The following UBE2F variants were observed in gnomAD, a reference collection of about 807,000 sequenced individuals.
UBE2F encodes the protein NEDD8-conjugating enzyme UBE2F.
In UBE2F, 5 loss-of-function variants were observed where a neutral mutation model predicts 29.6. The ratio of observed to expected loss-of-function variants is 0.17; its 90% confidence interval spans 0.09 to 0.36. The LOEUF is 0.36. UBE2F is among the 10% of genes least tolerant of loss of function. The pLI, the probability that UBE2F is intolerant of heterozygous loss-of-function variation, is 1.00. For synonymous variants in UBE2F, 66 were observed against 81.8 expected, an observed-to-expected ratio of 0.81 and a Z score of 1.04; for missense variants, 141 against 228.5, an observed-to-expected ratio of 0.62 and a Z score of 2.47.
intron 2 of UBE2F, 78 bp from the exon 3 acceptor site, chr2:237,987,885 G>A: frequency 1.3e-6 from 1 of 749,662 alleles, no homozygotes; most frequent in South Asian, 1.8e-5. Context: ...GTGTTCTAGA[G>A]GAAATTGCCA....
intron 4 of UBE2F, among the ~76,000 whole-genome samples, chr2:237,996,383 A>T (rs766228183): frequency 3.9e-5 from 6 of 151,986 alleles, no homozygotes; most frequent in Non-Finnish European, 8.8e-5. Context: ...TGGCCACTCA[A>T]AGATGTTTGT....
At chr2:238,026,238 G>A (rs1035098996) in intron 6 of UBE2F, among the ~76,000 whole-genome samples, 1 of 152,212 alleles carries the variant, frequency 6.6e-6, no homozygotes, top group Non-Finnish European at 1.5e-5. Context: ...CACTCAGCCA[G>A]TTTGGAAAGT....
intron 1 of UBE2F, among the ~76,000 whole-genome samples, chr2:237,972,717 A>AT (rs1209213231): frequency 6.6e-6 from 1 of 151,314 alleles, no homozygotes; most frequent in African/African-American, 2.4e-5. Flanking sequence ...CTCCTGGCTA[A>AT]TTTTTTTATA....
At position 237,993,256 on chromosome 2, in the gene UBE2F, G is replaced by A. The variant is rs564976021; in HGVS notation, c.149-1488G>A. Among the ~76,000 whole-genome samples the A allele has an allele frequency of 7.2e-5, 11 of 151,888 alleles. No individual in the cohort carries two copies. In the South Asian group the frequency reaches 2.3e-3, roughly 32 times the overall value. ...CTGCCTTGGCCTCCCAAAGTTCTGG[G>A]ATTACAGACATGATCCACCATGCCT... On this transcript the variant is annotated intron_variant, in intron 3 of 9. Transcript: ENST00000272930.
intron 4 of UBE2F, among the ~76,000 whole-genome samples, chr2:238,004,652 G>T (rs2063864657): frequency 6.6e-6 from 1 of 152,096 alleles, no homozygotes; most frequent in Admixed American, 6.5e-5. Context: ...GGAACCTGTT[G>T]AATGTGTTAT....
intron 8 of UBE2F, among the ~76,000 whole-genome samples, chr2:238,033,120 G>A (rs1427961242): frequency 1.3e-5 from 2 of 152,216 alleles, no homozygotes; most frequent in Admixed American, 6.5e-5. Context: ...TCTGGTTGGG[G>A]TGGATGATTT....
chr2:237,995,715 A>G (rs1224310713), intron 4 of UBE2F, among the ~76,000 whole-genome samples: 1 of 152,172 alleles, frequency 6.6e-6, no homozygotes, highest in Non-Finnish European at 1.5e-5. Context: ...TTTCTGTGGA[A>G]GATGTTTGAT....
Position 237,973,368 on chromosome 2 carries a change from T to C in UBE2F, c.118+143T>C, listed in dbSNP as rs888718339. ...TTAAAATATAATTGCTTATCTCTTATAGTGAAGGACATTGTACCACGCAGG... is the reference window on the plus strand; with the variant it reads ...TTAAAATATAATTGCTTATCTCTTACAGTGAAGGACATTGTACCACGCAGG... On this transcript the variant is annotated intron_variant, in intron 2 of 9. Coordinates refer to ENST00000272930, the MANE Select transcript of UBE2F (RefSeq NM_080678.3). The C allele has an allele frequency of 1.0e-5, 10 of 973,140 alleles. 1 individual carries two copies. Among genetic ancestry groups the C allele is most frequent in the African/African-American group, 3.3e-5 (2 of 60,664 alleles). 60.3% of individuals were successfully genotyped at this position (973,140 alleles called of 1,614,324 possible).
At chr2:238,016,005 G>A (rs574157004) in intron 4 of UBE2F, among the ~76,000 whole-genome samples, 10 of 152,262 alleles carry the variant, frequency 6.6e-5, no homozygotes, top group Admixed American at 2.0e-4. Flanking sequence ...CTACCAGCCC[G>A]CGTTTCTAGA....
intron 4 of UBE2F, among the ~76,000 whole-genome samples, chr2:238,010,154 A>C (rs1310777609): frequency 6.6e-6 from 1 of 151,312 alleles, no homozygotes; most frequent in African/African-American, 2.4e-5. Context: ...ATACAGGTAG[A>C]TAGATAGATT....
intron 5 of UBE2F, among the ~76,000 whole-genome samples, chr2:238,021,171 G>A (rs1321027685): frequency 1.3e-5 from 2 of 152,136 alleles, no homozygotes; most frequent in Admixed American, 6.5e-5. Context: ...AAGACACCAC[G>A]TCTCCTCACA....
rs577033884 is a variant in UBE2F at position 237,972,799 on chromosome 2, TA to T, written c.-16-292del. On this transcript the variant is annotated intron_variant, in intron 1 of 9. Coordinates refer to ENST00000272930, the MANE Select transcript of UBE2F (RefSeq NM_080678.3). ...AGCTCTTAGGCTCAAGCAATCCTCC[TA>T]CCTTGGCCTCCCAAAGTGCTGGGAT... Among the ~76,000 whole-genome samples, 26 of 152,230 alleles carry T rather than the reference TA, an allele frequency of 1.7e-4. No individual in the cohort carries two copies. The South Asian group carries it at 5.2e-3, about 30-fold the overall frequency.
chr2:237,995,006 G>A (rs1427374444), intron 4 of UBE2F, among the ~76,000 whole-genome samples, 197 bp downstream of exon 4: 1 of 152,220 alleles, frequency 6.6e-6, no homozygotes, highest in Admixed American at 6.5e-5. Context: ...GGCATTCAGT[G>A]TACACTCTCA....
chr2:238,035,980 T>C (rs2064698907), intron 9 of UBE2F, 40 bp downstream of exon 9: 2 of 1,542,874 alleles, frequency 1.3e-6, no homozygotes, highest in Non-Finnish European at 1.8e-6. Flanking sequence ...GATGTACTTG[T>C]CACGAACACG....
At chr2:237,996,820 T>C (rs1192493759) in intron 4 of UBE2F, among the ~76,000 whole-genome samples, 2 of 152,164 alleles carry the variant, frequency 1.3e-5, no homozygotes, top group African/African-American at 4.8e-5. Context: ...CACTTTAATG[T>C]TGTGATTATT....
intron 5 of UBE2F, among the ~76,000 whole-genome samples, chr2:238,019,417 G>A (rs376758293): frequency 5.1e-4 from 78 of 151,952 alleles, no homozygotes; most frequent in African/African-American, 1.8e-3. Context: ...TCACTCTGTT[G>A]CCCAGGCTAG....
At chr2:238,006,029 T>G (rs968834946) in intron 4 of UBE2F, among the ~76,000 whole-genome samples, 2 of 152,168 alleles carry the variant, frequency 1.3e-5, no homozygotes, top group African/African-American at 2.4e-5. Context: ...TTATTTGCAT[T>G]GCTATAAAGA....
At chr2:237,970,863 C>T (rs2063163180) in intron 1 of UBE2F, among the ~76,000 whole-genome samples, 2 of 152,282 alleles carry the variant, frequency 1.3e-5, no homozygotes, top group South Asian at 2.1e-4. Context: ...CACCCGCCAC[C>T]ATGCCGAGCT....
At chr2:238,031,228 CTT>C in intron 7 of UBE2F, among the ~76,000 whole-genome samples, 1 of 152,246 alleles carries the variant, frequency 6.6e-6, no homozygotes, top group East Asian at 1.9e-4. Flanking sequence ...CCTCTCAGAA[CTT>C]TCCCTCTGCA....
Sources: gnomAD v4.1 joint callset for allele counts (sites outside exome capture counted in the v4.1 genomes callset) on GRCh38, gnomAD v4.1.1 for gene constraint, MANE v1.5 for transcripts, NCBI Gene and HGNC (gene_info 2026-07-23, HGNC 2026-07-21) for gene names.